MAPKAP1: variants seen among roughly 807,000 people sequenced by gnomAD.
The protein encoded by MAPKAP1 is MAPK associated protein 1.
MAPKAP1 carries 20 observed loss-of-function variants against 65.7 expected under a neutral mutation model. The ratio of observed to expected loss-of-function variants is 0.30; its 90% CI spans 0.21 to 0.44. The LOEUF (loss-of-function observed/expected upper bound fraction) is 0.44. Among genes scored for constraint, MAPKAP1 ranks in the 20% least tolerant of loss-of-function variants. The pLI, the probability that MAPKAP1 is intolerant of heterozygous loss-of-function variation, is 1.00. For missense variants in MAPKAP1, 423 were observed against 648.0 expected (o/e 0.65, Z 3.77); for synonymous variants, 222 against 244.3 (o/e 0.91, Z 0.85).
At chr9:125,484,081 T>C (rs1854410064) in intron 9 of MAPKAP1, among the ~76,000 whole-genome samples, 1 of 152,140 alleles carries the variant, frequency 6.6e-6, no homozygotes, top group Non-Finnish European at 1.5e-5. Context: ...CCTGAATGAA[T>C]AAGCAATGAG....
At chr9:125,494,300 G>T (rs1017390446) in intron 8 of MAPKAP1, among the ~76,000 whole-genome samples, 1 of 152,042 alleles carries the variant, frequency 6.6e-6, no homozygotes, top group Non-Finnish European at 1.5e-5. Context: ...ACACACACAC[G>T]TTCATGCCCC....
chr9:125,517,871 C>T lies in MAPKAP1; in HGVS notation c.959-11454G>A, dbSNP rs184200127. Among the ~76,000 whole-genome samples, 678 of 152,264 alleles carry T rather than the reference C, an allele frequency of 4.5e-3. 4 individuals carry two copies. Among genetic ancestry groups the T allele is most frequent in the African/African-American group, 0.015 (636 of 41,552 alleles). The stretch of plus-strand genomic sequence containing the variant: ...TTGGGACCTTGCTTTTCTCAGTGCA[C>T]CAAGCATGCTGAATTAGAAGTACTT... On this transcript the variant is annotated intron_variant, in intron 7 of 11. Transcript: ENST00000265960.
chr9:125,701,897 A>G (rs1332372822), intron 1 of MAPKAP1, among the ~76,000 whole-genome samples: 1 of 152,194 alleles, frequency 6.6e-6, no homozygotes, highest in African/African-American at 2.4e-5. Flanking sequence ...CGCAAGCTAC[A>G]ATGCCCCCTC....
At chr9:125,517,848 G>C (rs1367215784) in intron 7 of MAPKAP1, among the ~76,000 whole-genome samples, 1 of 152,098 alleles carries the variant, frequency 6.6e-6, no homozygotes, top group Non-Finnish European at 1.5e-5. Flanking sequence ...CACCTTCCTT[G>C]GGACCTTGCT....
intron 5 of MAPKAP1, chr9:125,565,740 GCAAAAA>G: frequency 3.2e-5 from 4 of 124,592 alleles, no homozygotes; most frequent in South Asian, 6.4e-5. Context: ...TTTCTCTCCT[GCAAAAA>G]AAAAAAAAAA....
chr9:125,672,143 C>T (rs1834514770), intron 2 of MAPKAP1, among the ~76,000 whole-genome samples, 173 bp downstream of exon 2: 1 of 152,196 alleles, frequency 6.6e-6, no homozygotes, highest in African/African-American at 2.4e-5. Context: ...CCTCTCCATT[C>T]GCAGTCGCAG....
intron 8 of MAPKAP1, among the ~76,000 whole-genome samples, chr9:125,485,304 T>C (rs913180465): frequency 6.6e-6 from 1 of 152,188 alleles, no homozygotes; most frequent in Admixed American, 6.5e-5. Context: ...GCCACAGGCT[T>C]TCTGATCCAT....
chr9:125,583,738 T>C (rs1285166134), intron 5 of MAPKAP1, among the ~76,000 whole-genome samples: 3 of 152,218 alleles, frequency 2.0e-5, no homozygotes, highest in Non-Finnish European at 4.4e-5. Context: ...CCTCTCTTGA[T>C]TTCAGTGCCT....
chr9:125,686,746 G>C (rs969589352), intron 1 of MAPKAP1, among the ~76,000 whole-genome samples: 3 of 152,212 alleles, frequency 2.0e-5, no homozygotes, highest in African/African-American at 4.8e-5. Flanking sequence ...ATAGTATCAA[G>C]ATGTTGCCGG....
intron 9 of MAPKAP1, among the ~76,000 whole-genome samples, chr9:125,479,803 G>A (rs553589050): frequency 1.3e-5 from 2 of 152,122 alleles, no homozygotes; most frequent in African/African-American, 2.4e-5. Context: ...GTGGTTTTCT[G>A]TGGAATCAGC....
intron 4 of MAPKAP1, among the ~76,000 whole-genome samples, chr9:125,650,941 AATCTCACAAAG>A (rs569163710): frequency 1.4e-3 from 207 of 152,306 alleles, no homozygotes; most frequent in African/African-American, 4.8e-3. Context: ...AGGGGGAAAT[AATCTCACAAAG>A]AGATGTCTTT....
chr9:125,500,484 C>T (rs963037975), intron 8 of MAPKAP1, among the ~76,000 whole-genome samples: 3 of 152,114 alleles, frequency 2.0e-5, no homozygotes, highest in Non-Finnish European at 2.9e-5. Context: ...TGAGCCATCA[C>T]GCCGGCCCCC....
intron 7 of MAPKAP1, chr9:125,521,563 T>G: frequency 7.2e-7 from 1 of 1,393,574 alleles, no homozygotes; most frequent in Non-Finnish European, 9.3e-7. Flanking sequence ...CAAAACTGGT[T>G]GATGGGGATC....
chr9:125,522,904 C>T (rs551111977), intron 7 of MAPKAP1, among the ~76,000 whole-genome samples: 2 of 152,286 alleles, frequency 1.3e-5, no homozygotes, highest in Admixed American at 1.3e-4. Context: ...TGTGCCCTTC[C>T]CTTCACCCAG....
chr9:125,704,573 A>G (rs1835702618), intron 1 of MAPKAP1, among the ~76,000 whole-genome samples: 1 of 152,188 alleles, frequency 6.6e-6, no homozygotes, highest in African/African-American at 2.4e-5. Context: ...TTTGCTTGGC[A>G]CTGCTGAAAT....
At chr9:125,521,158 C>T (rs1829605351) in intron 7 of MAPKAP1, among the ~76,000 whole-genome samples, 1 of 152,200 alleles carries the variant, frequency 6.6e-6, no homozygotes, top group South Asian at 2.1e-4. Flanking sequence ...CGGTTGTAGG[C>T]AGAGAGTGTG....
chr9:125,494,266 A>T (rs1286870930), intron 8 of MAPKAP1, among the ~76,000 whole-genome samples: 4 of 152,156 alleles, frequency 2.6e-5, no homozygotes, highest in Non-Finnish European at 5.9e-5. Flanking sequence ...TCTAAAAAAC[A>T]ATCAATAGGT....
chr9:125,527,849 A>G (rs1464083781), intron 7 of MAPKAP1, among the ~76,000 whole-genome samples: 6 of 152,226 alleles, frequency 3.9e-5, no homozygotes, highest in African/African-American at 1.4e-4. Context: ...ACGGATATGC[A>G]TCGCCTTTCA....
chr9:125,496,551 G>C (rs2133063405), intron 8 of MAPKAP1, among the ~76,000 whole-genome samples: 1 of 152,338 alleles, frequency 6.6e-6, no homozygotes, highest in South Asian at 2.1e-4. Flanking sequence ...TCAGTAATTT[G>C]TAACTGAAGG....
Sources: allele counts gnomAD v4.1 joint callset (sites outside exome capture counted in the v4.1 genomes callset), GRCh38; gene constraint gnomAD v4.1.1; transcripts MANE v1.5; gene names NCBI Gene and HGNC (gene_info 2026-07-23, HGNC 2026-07-21).